Variants in SVEP1 observed in about 807,000 individuals in gnomAD.
SVEP1 encodes the protein sushi, von Willebrand factor type A, EGF and pentraxin domain-containing protein 1.
A neutral mutation model predicts 367.3 loss-of-function variants in SVEP1; 164 were observed. The ratio of observed to expected loss-of-function variants is 0.45; its 90% CI spans 0.39 to 0.51. SVEP1 has a LOEUF of 0.51. Ranked by LOEUF, SVEP1 falls within the 20% of genes least tolerant of loss-of-function variation. The probability of loss-of-function intolerance (pLI) is 0.00; values close to 1 mark genes in which losing one functional copy is unlikely to be tolerated. For synonymous variants in SVEP1, 1,666 were observed against 1,611.6 expected (o/e 1.03, Z -0.81); for missense variants, 4,117 against 4,425.3 (o/e 0.93, Z 1.98).
chr9:110,482,406 G>T lies in SVEP1; in HGVS notation c.2125C>A (p.Pro709Thr). ...ETIVQYTATDPSGNNRTCDIH... is the reference protein window; with the variant it reads ...ETIVQYTATDTSGNNRTCDIH... ...TCACATGTCCTGTTATTGCCTGAGG[G>T]GTCAGTGGCTGTATACTGTACTATA... The change falls in exon 11 of 48, where the codon CCC (proline) becomes ACC (threonine). Residue 709 changes from proline to threonine, a missense_variant. By Grantham distance (38) the Pro-to-Thr change is conservative. Around this residue, in one of 4 missense-constraint regions of SVEP1, gnomAD observed 2,174 missense variants for 2,494.3 expected, o/e 0.87. Coordinates refer to ENST00000374469, the MANE Select transcript of SVEP1 (RefSeq NM_153366.4). The T allele has an allele frequency of 6.2e-7, 1 of 1,612,154 alleles. No individual in the cohort carries two copies.
chr9:110,471,727 T>C, intron 15 of SVEP1, 130 bp from the exon 16 acceptor site: 1 of 694,444 alleles, frequency 1.4e-6, no homozygotes, highest in Non-Finnish European at 2.4e-6. Flanking sequence ...AGAAAAAAAA[T>C]AAAAATCTTT....
intron 45 of SVEP1, chr9:110,376,716 A>C (rs1827355953): frequency 6.6e-6 from 1 of 152,258 alleles, no homozygotes; most frequent in Non-Finnish European, 1.5e-5. Flanking sequence ...ATATTTAAAA[A>C]TTTAACATCA....
rs5741690 is a variant in SVEP1 at position 110,573,181 on chromosome 9, T to TA, written c.531+5831dup. Among the ~76,000 whole-genome samples the TA allele has an allele frequency of 8.5e-3, 1,233 of 145,082 alleles. 5 individuals carry two copies. Among genetic ancestry groups the TA allele is most frequent in the South Asian group, 0.032 (149 of 4,606 alleles). ...ACATAAGTACCCCCACCCCTTCCTA[T>TA]AAAAAAAAAAAGAACCCAAACTTTC... On this transcript the variant is annotated intron_variant, in intron 1 of 47. Coordinates refer to ENST00000374469, the MANE Select transcript of SVEP1 (RefSeq NM_153366.4).
chr9:110,488,995 T>C (rs1418357532), intron 9 of SVEP1, among the ~76,000 whole-genome samples: 1 of 151,806 alleles, frequency 6.6e-6, no homozygotes, highest in East Asian at 1.9e-4. Context: ...TTTATACGAG[T>C]GAAGGGGATA....
At chr9:110,390,030 T>TC (rs1482218944) in intron 40 of SVEP1, among the ~76,000 whole-genome samples, 1 of 104,952 alleles carries the variant, frequency 9.5e-6, no homozygotes, top group East Asian at 5.1e-4. Flanking sequence ...TGTGTGTGTA[T>TC]ATATATATAA....
intron 2 of SVEP1, among the ~76,000 whole-genome samples, chr9:110,547,626 G>A (rs1052555854): frequency 2.6e-5 from 4 of 152,266 alleles, no homozygotes; most frequent in African/African-American, 7.2e-5. Context: ...CAAGACTAGT[G>A]TACCAGCATT....
chr9:110,389,662 C>A (rs1266198637), intron 40 of SVEP1, 75 bp from the exon 41 acceptor site: 6 of 1,550,066 alleles, frequency 3.9e-6, no homozygotes, highest in Middle Eastern at 1.7e-4. Context: ...GCAAAGTAAT[C>A]TTAGCTATGG....
At chr9:110,471,306 C>T (rs1829013575) in intron 16 of SVEP1, 58 bp downstream of exon 16, 5 of 1,384,890 alleles carry the variant, frequency 3.6e-6, no homozygotes, top group Admixed American at 2.0e-5. Context: ...AATGGCTACA[C>T]CCATCTCATT....
chr9:110,411,672 G>A lies in SVEP1; in HGVS notation c.6039C>T (p.Asp2013=). ...CLADGKWSRS[D]QQCLAVSCDE... is the part of the protein sequence containing the mutation. Reference sequence around the variant, plus strand: ...CACAGGAGACAGCCAGGCACTGCTGGTCACTTCTACTCCACTTGCCGTCGG... The same window carrying A: ...CACAGGAGACAGCCAGGCACTGCTGATCACTTCTACTCCACTTGCCGTCGG... Residue 2013 remains aspartate (D), a synonymous_variant, in exon 37 of 48, where the codon GAC becomes GAT. Coordinates refer to ENST00000374469, the MANE Select transcript of SVEP1 (RefSeq NM_153366.4). The A allele has an allele frequency of 6.2e-7, 1 of 1,604,916 alleles. No individual in the cohort carries two copies. The highest frequency in any genetic ancestry group is 2.2e-5 in the East Asian group (1 of 44,530).
chr9:110,545,667 C>A (rs2118842264), intron 3 of SVEP1, among the ~76,000 whole-genome samples: 1 of 152,232 alleles, frequency 6.6e-6, no homozygotes, highest in East Asian at 1.9e-4. Context: ...GCCTAGAGGA[C>A]AGATTTGGCT....
chr9:110,390,848 C>A (rs1317990642), intron 40 of SVEP1, among the ~76,000 whole-genome samples: 3 of 151,890 alleles, frequency 2.0e-5, no homozygotes, highest in Non-Finnish European at 4.4e-5. Flanking sequence ...TGAGAAATAC[C>A]AACAGTAGAA....
intron 9 of SVEP1, among the ~76,000 whole-genome samples, chr9:110,484,345 C>T (rs1289552163): frequency 6.6e-6 from 1 of 152,088 alleles, no homozygotes; most frequent in African/African-American, 2.4e-5. Flanking sequence ...AAAGCCACAG[C>T]AGAAGTTAAA....
chr9:110,403,312 T>TTG (rs1554712296), intron 39 of SVEP1, among the ~76,000 whole-genome samples: 24 of 135,122 alleles, frequency 1.8e-4, no homozygotes, highest in South Asian at 5.2e-4. Flanking sequence ...TTTTTTTTTT[T>TTG]TTTTTTTTTT....
At chr9:110,474,153 A>G (rs1442595916) in intron 14 of SVEP1, among the ~76,000 whole-genome samples, 1 of 152,014 alleles carries the variant, frequency 6.6e-6, no homozygotes, top group African/African-American at 2.4e-5. Flanking sequence ...AGCACGTGCC[A>G]CCATGCTCTG....
chr9:110,509,592 C>G (rs999110722), intron 5 of SVEP1, among the ~76,000 whole-genome samples: 20 of 152,172 alleles, frequency 1.3e-4, no homozygotes, highest in African/African-American at 4.8e-4. Flanking sequence ...CTCACTGCAG[C>G]CTCCAACTCC....
chr9:110,537,384 G>C (rs1024338703), intron 3 of SVEP1, among the ~76,000 whole-genome samples: 1 of 151,922 alleles, frequency 6.6e-6, no homozygotes, highest in Non-Finnish European at 1.5e-5. Flanking sequence ...TTATGTGTGA[G>C]AAAGTATCAA....
intron 40 of SVEP1, among the ~76,000 whole-genome samples, chr9:110,390,214 CTTGT>C (rs1457226624): frequency 1.1e-4 from 6 of 55,126 alleles, no homozygotes; most frequent in Non-Finnish European, 1.8e-4. Context: ...TATGTATATA[CTTGT>C]ATATATACTT....
chr9:110,532,171 T>A (rs1247303262), intron 3 of SVEP1, among the ~76,000 whole-genome samples: 1 of 152,178 alleles, frequency 6.6e-6, no homozygotes, highest in African/African-American at 2.4e-5. Context: ...TCCAAGTCCA[T>A]ATGTTTTTTA....
intron 7 of SVEP1, among the ~76,000 whole-genome samples, chr9:110,497,231 C>T (rs1360702898): frequency 1.3e-5 from 2 of 152,130 alleles, no homozygotes; most frequent in African/African-American, 2.4e-5. Context: ...TTTACCTGGG[C>T]CCTTACCTAT....
Sources: allele counts gnomAD v4.1 joint callset (sites outside exome capture counted in the v4.1 genomes callset), GRCh38; gene constraint gnomAD v4.1.1; regional missense constraint gnomAD v4.1.1; transcripts MANE v1.5; gene names NCBI Gene and HGNC (gene_info 2026-07-23, HGNC 2026-07-21).